The following PPM1B variants were observed in gnomAD, a reference collection of about 807,000 sequenced individuals.
The protein encoded by PPM1B is protein phosphatase, Mg2+/Mn2+ dependent 1B.
Under a neutral mutation model 43.0 loss-of-function variants are expected in PPM1B, and 22 were observed. That is an observed-to-expected ratio of 0.51 (90% CI 0.37 to 0.73). PPM1B has a LOEUF of 0.73. PPM1B is among the 30% of genes least tolerant of loss of function. The pLI is 0.00. For missense variants in PPM1B, 632 were observed against 584.2 expected, an observed-to-expected ratio of 1.08 and a Z score of -0.84; for synonymous variants, 217 against 197.9, an observed-to-expected ratio of 1.10 and a Z score of -0.81.
chr2:44,205,542 C>T (rs1425236865), intron 2 of PPM1B, among the ~76,000 whole-genome samples: 1 of 152,080 alleles, frequency 6.6e-6, no homozygotes. Flanking sequence ...AACCACTGCT[C>T]ATGGTTTGCT....
rs753923883 is a variant in PPM1B at position 44,230,502 on chromosome 2, A to G, written c.1224A>G (p.Arg408=). The change falls in exon 6 of 6, where the codon CGA becomes CGG. Residue 408 remains arginine, a synonymous_variant. Coordinates refer to ENST00000282412, the MANE Select transcript of PPM1B (RefSeq NM_002706.6). The part of the protein sequence containing the change: ...QMRINHRGNY[R]QLLEEMLTSY... ...GAATTAATCATAGGGGAAACTACCG[A>G]CAACTTCTGGAGGAGATGCTGACTA... 6.2e-7 allele frequency: 1 copy of G among 1,614,140 alleles called. No homozygotes were observed. Among genetic ancestry groups the G allele is most frequent in the Non-Finnish European group, 8.5e-7 (1 of 1,180,018 alleles).
intron 1 of PPM1B, among the ~76,000 whole-genome samples, chr2:44,180,061 C>T (rs1442771458): frequency 6.6e-6 from 1 of 151,128 alleles, no homozygotes; most frequent in African/African-American, 2.4e-5. Flanking sequence ...TTAAAATATT[C>T]CCCAAAATGT....
intron 5 of PPM1B, among the ~76,000 whole-genome samples, chr2:44,228,304 C>G (rs555861079): frequency 1.3e-5 from 2 of 150,600 alleles, no homozygotes; most frequent in African/African-American, 4.9e-5. Flanking sequence ...CCTCTCGCCT[C>G]AGTTCCCCAA....
chr2:44,181,333 A>G (rs1572688106), intron 1 of PPM1B, among the ~76,000 whole-genome samples: 2 of 152,342 alleles, frequency 1.3e-5, no homozygotes, highest in South Asian at 4.1e-4. Context: ...GGGAATGACC[A>G]TGATGAAGTT....
rs192617660 is a variant in PPM1B, at chr2:44,218,091, A to G, written c.1076+13A>G. On this transcript the variant is annotated intron_variant, in intron 4 of 5. Transcript: ENST00000282412. ...GTCTTGCTGGCAAGTAAGTAGAACA[A>G]AAAGCTAATTTTGAGTTCGTTCATA... 2.5e-5 allele frequency: 39 copies of G among 1,578,882 alleles called. 2 individuals carry two copies. In the African/African-American group the frequency reaches 3.1e-4, roughly 13 times the overall value.
At chr2:44,184,454 T>C (rs774289621) in intron 1 of PPM1B, among the ~76,000 whole-genome samples, 3 of 152,196 alleles carry the variant, frequency 2.0e-5, no homozygotes, top group African/African-American at 4.8e-5. Flanking sequence ...CTTAGTTCTT[T>C]AGTGTCTTCT....
intron 1 of PPM1B, among the ~76,000 whole-genome samples, chr2:44,173,287 T>G (rs959383373): frequency 5.3e-5 from 8 of 152,258 alleles, no homozygotes. Context: ...ATCTATATAG[T>G]GTATTTATTT....
intron 1 of PPM1B, among the ~76,000 whole-genome samples, chr2:44,199,303 C>CAAAA (rs1339815695): frequency 1.5e-5 from 1 of 66,916 alleles, no homozygotes; most frequent in Non-Finnish European, 2.9e-5. Flanking sequence ...CTGTAGATCT[C>CAAAA]AAAAAAAAAA....
chr2:44,223,881 A>G (rs10445886), intron 5 of PPM1B, among the ~76,000 whole-genome samples: 20,798 of 146,160 alleles, frequency 0.14, 1,777 homozygotes, highest in South Asian at 0.26. Context: ...ATTAGTCACT[A>G]TGTTTTTAAG....
At chr2:44,203,560 C>T (rs563694882) in intron 2 of PPM1B, among the ~76,000 whole-genome samples, 61 of 152,184 alleles carry the variant, frequency 4.0e-4, no homozygotes, top group African/African-American at 1.4e-3. Flanking sequence ...GCCATCCACC[C>T]TAAGTCAGCT....
intron 1 of PPM1B, among the ~76,000 whole-genome samples, chr2:44,172,272 C>T (rs1490531987): frequency 6.6e-6 from 1 of 152,140 alleles, no homozygotes; most frequent in Non-Finnish European, 1.5e-5. Flanking sequence ...ATTATATTAG[C>T]AGCTTTAAAG....
intron 1 of PPM1B, among the ~76,000 whole-genome samples, chr2:44,175,732 A>G (rs1166001491): frequency 6.6e-6 from 1 of 152,148 alleles, no homozygotes; most frequent in African/African-American, 2.4e-5. Context: ...AACTAGACTG[A>G]AAAGAGGAAA....
intron 1 of PPM1B, among the ~76,000 whole-genome samples, chr2:44,170,000 A>G (rs962148238): frequency 1.3e-5 from 2 of 152,232 alleles, no homozygotes; most frequent in Non-Finnish European, 2.9e-5. Context: ...TTTAAGCCTA[A>G]CAACCTTGAA....
rs1023655581 is a variant in PPM1B, at chr2:44,231,406, A to G, written c.*688A>G. On this transcript the variant is annotated 3_prime_UTR_variant, in exon 6 of 6. Transcript: ENST00000282412. Reference sequence around the variant, plus strand: ...ACTACACACATCAAAATGTATGTCAACCAAGTGTTTAGAATGAAATTATAA... The same window carrying G: ...ACTACACACATCAAAATGTATGTCAGCCAAGTGTTTAGAATGAAATTATAA... The G allele has an allele frequency of 4.9e-5, 48 of 974,610 alleles. No homozygotes were observed. Among genetic ancestry groups the G allele is most frequent in the Non-Finnish European group, 5.5e-5 (45 of 820,256 alleles). The allele number at this position is 974,610 out of a possible 1,614,324, so 60.4% of individuals were successfully genotyped here.
chr2:44,189,713 C>A (rs963923798), intron 1 of PPM1B, among the ~76,000 whole-genome samples: 3 of 152,162 alleles, frequency 2.0e-5, no homozygotes, highest in African/African-American at 7.2e-5. Context: ...TATCCACCTG[C>A]CTTGGCCTCC....
downstream of PPM1B, among the ~76,000 whole-genome samples, chr2:44,244,971 C>T (rs553791611): frequency 1.3e-5 from 2 of 151,518 alleles, no homozygotes; most frequent in African/African-American, 4.8e-5. Context: ...CAGAATTTTT[C>T]CTATAGCGGT....
At chr2:44,173,984 C>T (rs779371066) in intron 1 of PPM1B, among the ~76,000 whole-genome samples, 2 of 152,140 alleles carry the variant, frequency 1.3e-5, no homozygotes, top group Non-Finnish European at 2.9e-5. Context: ...CTTGTTTAAC[C>T]TCAAGAACCT....
chr2:44,180,668 G>T (rs1411140301), intron 1 of PPM1B, among the ~76,000 whole-genome samples: 1 of 151,844 alleles, frequency 6.6e-6, no homozygotes, highest in Admixed American at 6.6e-5. Context: ...TAGAGTGCAG[G>T]AGTGTGATCA....
chr2:44,244,162 C>G (rs959260584), intron 5 of PPM1B: 5 of 850,764 alleles, frequency 5.9e-6, no homozygotes, highest in Middle Eastern at 5.9e-4. Flanking sequence ...CTTACCAACC[C>G]CAATCCTGCA....
Sources: gnomAD v4.1 joint callset for allele counts (sites outside exome capture counted in the v4.1 genomes callset) on GRCh38, gnomAD v4.1.1 for gene constraint, MANE v1.5 for transcripts, NCBI Gene and HGNC (gene_info 2026-07-23, HGNC 2026-07-21) for gene names.